SPAG5: variants seen among roughly 807,000 people sequenced by gnomAD.
SPAG5 encodes the protein sperm associated antigen 5, also known as sperm-associated antigen 5.
A neutral mutation model predicts 145.4 loss-of-function variants in SPAG5; 99 were observed. The ratio of observed to expected loss-of-function variants is 0.68; its 90% CI spans 0.58 to 0.80. The LOEUF (loss-of-function observed/expected upper bound fraction) is 0.80. SPAG5 is among the 30% of genes least tolerant of loss of function. The pLI is 0.00. For missense variants in SPAG5, 1,192 were observed against 1,416.0 expected, an observed-to-expected ratio of 0.84 and a Z score of 2.54; for synonymous variants, 477 against 525.4, an observed-to-expected ratio of 0.91 and a Z score of 1.26.
chr17:28,590,726 G>A (rs569801359), intron 4 of SPAG5, among the ~76,000 whole-genome samples: 220 of 151,946 alleles, frequency 1.4e-3, no homozygotes, highest in African/African-American at 4.8e-3. Flanking sequence ...AAAATTAGCC[G>A]GGTGGGGTGG....
At chr17:28,578,330 G>A (rs759509504) in intron 21 of SPAG5, 38 bp from the exon 22 acceptor site, 1 of 1,614,044 alleles carries the variant, frequency 6.2e-7, no homozygotes, top group South Asian at 1.1e-5. Context: ...TACAGCCTGG[G>A]GTCCCCACCT....
In SPAG5 at chr17:28,578,448, C is replaced by T. The variant is rs756989247; in HGVS notation, c.3279G>A (p.Leu1093=). 9 of 1,613,914 alleles carry T rather than the reference C, an allele frequency of 5.6e-6. No homozygotes were observed. Among genetic ancestry groups the T allele is most frequent in the Admixed American group, 3.3e-5 (2 of 60,014 alleles). ...ETETKVLQEA[L]AGQLDSNCQP... is the part of the protein sequence containing the mutation. ...GGCAGTTGGAGTCCAGCTGGCCTGCCAGGGCCTCCTGGAGCACTTTGGTCT... is the reference window on the plus strand; with the variant it reads ...GGCAGTTGGAGTCCAGCTGGCCTGCTAGGGCCTCCTGGAGCACTTTGGTCT... Residue 1093 remains leucine (L), a synonymous_variant, in exon 21 of 24, where the codon CTG becomes CTA. Coordinates refer to ENST00000321765, the MANE Select transcript of SPAG5 (RefSeq NM_006461.4).
chr17:28,584,031 G>C (rs780058264), intron 13 of SPAG5, 45 bp from the exon 14 acceptor site: 1 of 1,612,492 alleles, frequency 6.2e-7, no homozygotes, highest in South Asian at 1.1e-5. Context: ...GAGAATTTTA[G>C]TGCCCTGGGT....
rs1362070646 is a variant in SPAG5, at chr17:28,583,652, G to T, written c.2547-3C>A. On this transcript the variant is annotated splice_polypyrimidine_tract_variant and splice_region_variant and intron_variant, in intron 14 of 23. Transcript: ENST00000321765. ...CTATGGTGCTGGCCAGTTTAGCCCT[G>T]AAATAAGGAACAGGGAAGATGACCA... 6.3e-7 allele frequency: 1 copy of T among 1,596,890 alleles called. No homozygotes were observed. Among genetic ancestry groups the T allele is most frequent in the Non-Finnish European group, 8.5e-7 (1 of 1,174,566 alleles).
At chr17:28,589,872 A>G (rs192942856) in intron 4 of SPAG5, among the ~76,000 whole-genome samples, 4 of 152,334 alleles carry the variant, frequency 2.6e-5, no homozygotes, top group African/African-American at 7.2e-5. Flanking sequence ...TGATCGCAAC[A>G]TGGTACTCTA....
intron 17 of SPAG5, 29 bp from the exon 18 acceptor site, chr17:28,579,514 T>C: frequency 1.2e-6 from 2 of 1,609,106 alleles, no homozygotes; most frequent in Non-Finnish European, 1.7e-6. Flanking sequence ...GATAGAGGTC[T>C]AGCCTTCCAG....
chr17:28,592,384 T>G lies in SPAG5; in HGVS notation c.860A>C (p.Lys287Thr), dbSNP rs537219027. 1 of 1,614,140 alleles carries G rather than the reference T, an allele frequency of 6.2e-7. No individual in the cohort carries two copies. The highest frequency in any genetic ancestry group is 1.1e-5 in the South Asian group (1 of 91,086). ...EREMRFPTHP[K>T]ESETEDQALV... ...TGCTTGATCTTCTGTTTCAGACTCC[T>G]TAGGATGTGTGGGAAACCTCATTTC... is the stretch of plus-strand genomic sequence containing the variant. Residue 287 changes from lysine to threonine, a missense_variant, in exon 3 of 24, where the codon AAG becomes ACG. Lys to Thr is a moderately conservative substitution (Grantham distance 78). Transcript: ENST00000321765.
In SPAG5 at chr17:28,580,131, AG is replaced by A. The variant is rs772313306; in HGVS notation, c.2686-12del. 6.3e-7 allele frequency: 1 copy of A among 1,595,070 alleles called. No homozygotes were observed. Among genetic ancestry groups the A allele is most frequent in the Admixed American group, 1.7e-5 (1 of 57,980 alleles). ...GGTCTCTTGTTCAGTCTAAGGGCAAAGAAGAAAAAATAGCTGCTGTTCAGGT... is the reference window on the plus strand; with the variant it reads ...GGTCTCTTGTTCAGTCTAAGGGCAAAAAGAAAAAATAGCTGCTGTTCAGGT... On this transcript the variant is annotated splice_polypyrimidine_tract_variant and intron_variant, in intron 15 of 23. Transcript: ENST00000321765.
chr17:28,579,194 C>T lies in SPAG5; in HGVS notation c.3064G>A (p.Ala1022Thr), dbSNP rs761426173. 1.2e-6 allele frequency: 2 copies of T among 1,614,058 alleles called. No homozygotes were observed. Among genetic ancestry groups the T allele is most frequent in the Non-Finnish European group, 1.7e-6 (2 of 1,180,046 alleles). ...AGCTTCTCTATGTCTGCTTCTTTTG[C>T]CTTCTGGACTTCCTGATGCTGTTCT... Reference protein sequence around the residue: ...QEEQHQEVQKAKEADIEKLNQ... With the variant: ...QEEQHQEVQKTKEADIEKLNQ... Residue 1022 changes from alanine (A) to threonine (T), a missense_variant, in exon 19 of 24, where the codon GCA becomes ACA. By Grantham distance (58) the Ala-to-Thr change is moderately conservative (BLOSUM62 0). This residue lies in a region of SPAG5 where 709 missense variants were observed against 840.7 expected (regional missense o/e 0.84). Coordinates refer to ENST00000321765, the MANE Select transcript of SPAG5 (RefSeq NM_006461.4).
intron 15 of SPAG5, among the ~76,000 whole-genome samples, chr17:28,581,306 T>C (rs1320731957): frequency 1.3e-5 from 2 of 152,156 alleles, no homozygotes; most frequent in Admixed American, 1.3e-4. Context: ...TAGCTGTGCT[T>C]GTGGCTGCGG....
At chr17:28,579,667 A>G (rs2070536799) in intron 17 of SPAG5, 84 bp downstream of exon 17, 1 of 1,452,356 alleles carries the variant, frequency 6.9e-7, no homozygotes, top group Non-Finnish European at 9.7e-7. Flanking sequence ...TTTTTAGAGC[A>G]AAGCACTTCT....
chr17:28,592,380 C>T lies in SPAG5; in HGVS notation c.864G>A (p.Glu288=). ...CAAGTGCTTGATCTTCTGTTTCAGA[C>T]TCCTTAGGATGTGTGGGAAACCTCA... The part of the protein sequence containing the change: ...REMRFPTHPK[E]SETEDQALVS... Residue 288 remains glutamate (E), a synonymous_variant, in exon 3 of 24, where the codon GAG becomes GAA. Coordinates refer to ENST00000321765, the MANE Select transcript of SPAG5 (RefSeq NM_006461.4). 6.2e-7 allele frequency: 1 copy of T among 1,614,190 alleles called. No individual in the cohort carries two copies. The highest frequency in any genetic ancestry group is 8.5e-7 in the Non-Finnish European group (1 of 1,180,034).
chr17:28,594,137 C>T (rs1342632234), intron 2 of SPAG5, among the ~76,000 whole-genome samples: 1 of 152,052 alleles, frequency 6.6e-6, no homozygotes, highest in African/African-American at 2.4e-5. Context: ...GAAAACTACC[C>T]TAATGAAAGA....
chr17:28,598,824 A>G (rs2070688550), intron 1 of SPAG5, 72 bp downstream of exon 1: 11 of 1,576,488 alleles, frequency 7.0e-6, no homozygotes, highest in Non-Finnish European at 9.6e-6. Flanking sequence ...ACTTTCCAGG[A>G]CAGTAGACAC....
rs993364018 is a variant in SPAG5, at chr17:28,578,160, G to C, written c.3429+58C>G. The C allele has an allele frequency of 5.0e-5, 81 of 1,606,322 alleles. 1 individual carries two copies. The South Asian group carries it at 8.0e-4, about 16-fold the overall frequency. On this transcript the variant is annotated intron_variant, in intron 22 of 23. Transcript: ENST00000321765. ...AACTTGGTAGGACAGGGGAAACATG[G>C]CGGGGCATTTGTTAACGATGGTAGG...
intron 4 of SPAG5, among the ~76,000 whole-genome samples, chr17:28,590,032 G>T (rs2070609943): frequency 6.6e-6 from 1 of 152,134 alleles, no homozygotes; most frequent in Non-Finnish European, 1.5e-5. Flanking sequence ...AAGTGAAAAA[G>T]CTTTCTTTAG....
chr17:28,598,150 C>A lies in SPAG5; in HGVS notation c.177+360G>T, dbSNP rs538213566. 3.3e-5 allele frequency among the ~76,000 whole-genome samples: 5 copies of A among 152,250 alleles called. No homozygotes were observed. In the East Asian group the frequency reaches 7.7e-4, roughly 23 times the overall value. ...CTTGATCCCAGGAGAGTTCTAACTA[C>A]CTCCTAGAGTAAATGGATATTGCCT... On this transcript the variant is annotated intron_variant, in intron 2 of 23. Transcript: ENST00000321765.
chr17:28,585,479 C>T, intron 8 of SPAG5, 55 bp downstream of exon 8: 1 of 1,613,480 alleles, frequency 6.2e-7, no homozygotes, highest in Non-Finnish European at 8.5e-7. Flanking sequence ...GAGTATGCAA[C>T]TACCCTCCCA....
At position 28,583,606 on chromosome 17, in the gene SPAG5, G is replaced by C. The variant is rs143147886; in HGVS notation, c.2590C>G (p.Leu864Val). The change falls in exon 15 of 24, where the codon CTG becomes GTG. Residue 864 changes from leucine (L) to valine (V), a missense_variant. Around this residue, in one of 5 missense-constraint regions of SPAG5, gnomAD observed 709 missense variants for 840.7 expected, o/e 0.84. Coordinates refer to ENST00000321765, the MANE Select transcript of SPAG5 (RefSeq NM_006461.4). ...STIADNQEQD[L>V]EKTRQYSQKL... The stretch of plus-strand genomic sequence containing the variant: ...TGAGAGTACTGCCGTGTTTTCTCCA[G>C]ATCTTGCTCCTGGTTATCTGCTATG... 1.2e-6 allele frequency: 2 copies of C among 1,613,620 alleles called. No individual in the cohort carries two copies. Among genetic ancestry groups the C allele is most frequent in the East Asian group, 2.2e-5 (1 of 44,890 alleles).
Sources: gnomAD v4.1 joint callset for allele counts (sites outside exome capture counted in the v4.1 genomes callset) on GRCh38, gnomAD v4.1.1 for gene constraint, gnomAD v4.1.1 regional missense constraint, MANE v1.5 for transcripts, NCBI Gene and HGNC (gene_info 2026-07-23, HGNC 2026-07-21) for gene names.